ROBO2: variants seen among roughly 807,000 people sequenced by gnomAD.
ROBO2 encodes the protein roundabout guidance receptor 2.
ROBO2 carries 53 observed loss-of-function variants against 160.8 expected under a neutral mutation model. That is an observed-to-expected ratio of 0.33 (90% CI 0.26 to 0.41). The LOEUF (loss-of-function observed/expected upper bound fraction) is 0.41, where lower values mean the gene tolerates loss of function less well. ROBO2 is among the 10% of genes least tolerant of loss of function. The pLI, the probability that ROBO2 is intolerant of heterozygous loss-of-function variation, is 1.00. For synonymous variants in ROBO2, 664 were observed against 611.7 expected, an observed-to-expected ratio of 1.09 and a Z score of -1.26; for missense variants, 1,577 against 1,722.4, an observed-to-expected ratio of 0.92 and a Z score of 1.49.
chr3:77,605,655 T>A (rs967651358), intron 20 of ROBO2, among the ~76,000 whole-genome samples: 3 of 152,148 alleles, frequency 2.0e-5, no homozygotes, highest in Non-Finnish European at 4.4e-5. Context: ...TCAACAGAAT[T>A]CAGGGCTCTG....
intron 1 of ROBO2, among the ~76,000 whole-genome samples, chr3:77,062,670 A>G (rs529142449): frequency 6.6e-6 from 1 of 152,314 alleles, no homozygotes; most frequent in Non-Finnish European, 1.5e-5. Context: ...CTGGGCATCC[A>G]GTGGCCCATA....
In ROBO2 at chr3:76,335,027, TA is replaced by T. The variant is rs989521614; in HGVS notation, c.109+397434del. 1.2e-3 allele frequency among the ~76,000 whole-genome samples: 185 copies of T among 151,850 alleles called. 1 individual carries two copies. Among genetic ancestry groups the T allele is most frequent in the African/African-American group, 3.3e-3 (136 of 41,442 alleles). ...CTATTTTTTTTCTGTGACTTTGCTT[TA>T]AAAAAAAATTTTTTTTGTTTTTGTA... On this transcript the variant is annotated intron_variant, in intron 2 of 26. Transcript: ENST00000487694.
At chr3:77,229,864 T>C (rs182294625) in intron 2 of ROBO2, among the ~76,000 whole-genome samples, 1 of 152,280 alleles carries the variant, frequency 6.6e-6, no homozygotes, top group African/African-American at 2.4e-5. Context: ...CAATTTATTA[T>C]TGAGATTCCC....
At chr3:77,215,108 T>C (rs2084748949) in intron 2 of ROBO2, among the ~76,000 whole-genome samples, 1 of 152,228 alleles carries the variant, frequency 6.6e-6, no homozygotes, top group Non-Finnish European at 1.5e-5. Context: ...CTGTATTTCC[T>C]GAATTTGAAT....
intron 1 of ROBO2, among the ~76,000 whole-genome samples, chr3:77,087,697 C>G (rs2069510741): frequency 6.6e-6 from 1 of 151,654 alleles, no homozygotes; most frequent in Non-Finnish European, 1.5e-5. Context: ...TGTGTATATA[C>G]AGATATACAC....
chr3:76,834,729 T>G (rs1356554543), intron 2 of ROBO2, among the ~76,000 whole-genome samples: 5 of 152,152 alleles, frequency 3.3e-5, no homozygotes, highest in Admixed American at 1.3e-4. Context: ...CTCTAACCCC[T>G]GGCCTCAAAT....
chr3:76,612,747 C>A (rs2088233122), intron 2 of ROBO2, among the ~76,000 whole-genome samples: 1 of 152,138 alleles, frequency 6.6e-6, no homozygotes, highest in Admixed American at 6.5e-5. Flanking sequence ...CTTTACATAT[C>A]TACATGCTTC....
At chr3:76,902,364 T>C (rs2075300133) in intron 2 of ROBO2, among the ~76,000 whole-genome samples, 1 of 152,090 alleles carries the variant, frequency 6.6e-6, no homozygotes, top group Non-Finnish European at 1.5e-5. Flanking sequence ...TTATTAGTTG[T>C]TTTGATATCT....
At chr3:75,941,242 C>T (rs1036021119) in intron 2 of ROBO2, among the ~76,000 whole-genome samples, 4 of 152,084 alleles carry the variant, frequency 2.6e-5, no homozygotes, top group East Asian at 1.9e-4. Flanking sequence ...AGGCATGAGC[C>T]GTTGCATCTG....
intron 2 of ROBO2, among the ~76,000 whole-genome samples, chr3:76,593,968 G>A (rs1166136177): frequency 2.0e-5 from 3 of 151,952 alleles, no homozygotes; most frequent in African/African-American, 7.2e-5. Flanking sequence ...AGCATGGAAA[G>A]AGCTGGAATA....
intron 2 of ROBO2, among the ~76,000 whole-genome samples, chr3:76,267,109 C>T (rs1707145383): frequency 6.6e-6 from 1 of 152,144 alleles, no homozygotes; most frequent in South Asian, 2.1e-4. Flanking sequence ...CCCTGCTGTT[C>T]ATTCACAGCA....
chr3:76,967,510 TC>T (rs1305739843), intron 2 of ROBO2, among the ~76,000 whole-genome samples: 6 of 108,436 alleles, frequency 5.5e-5, no homozygotes, highest in East Asian at 2.9e-4. Flanking sequence ...CCTGGCCAGC[TC>T]TTTTTTTTTT....
chr3:76,415,354 G>A (rs536147671), intron 2 of ROBO2, among the ~76,000 whole-genome samples: 2 of 152,236 alleles, frequency 1.3e-5, no homozygotes, highest in African/African-American at 2.4e-5. Context: ...TGTCTGAAAG[G>A]CTCTGAAGAA....
At chr3:77,451,094 T>C (rs1245392055) in intron 2 of ROBO2, among the ~76,000 whole-genome samples, 1 of 152,132 alleles carries the variant, frequency 6.6e-6, no homozygotes, top group Non-Finnish European at 1.5e-5. Flanking sequence ...AGAATGGCCT[T>C]AATTCTCAAA....
At chr3:76,708,208 A>T (rs1170153893) in intron 2 of ROBO2, among the ~76,000 whole-genome samples, 1 of 152,148 alleles carries the variant, frequency 6.6e-6, no homozygotes, top group Non-Finnish European at 1.5e-5. Flanking sequence ...TAGCATAGGG[A>T]AATATGAAAA....
chr3:76,905,399 G>A (rs1287839195), intron 2 of ROBO2, among the ~76,000 whole-genome samples: 1 of 152,102 alleles, frequency 6.6e-6, no homozygotes, highest in Non-Finnish European at 1.5e-5. Context: ...GTTAAAGAAG[G>A]CTTATGATCT....
At chr3:76,978,298 T>C (rs1427978280) in intron 2 of ROBO2, among the ~76,000 whole-genome samples, 2 of 152,220 alleles carry the variant, frequency 1.3e-5, no homozygotes, top group Non-Finnish European at 2.9e-5. Flanking sequence ...GAGGTCACTT[T>C]ATGCATCGAT....
chr3:76,757,865 A>G (rs2061071686), intron 2 of ROBO2, among the ~76,000 whole-genome samples: 1 of 151,638 alleles, frequency 6.6e-6, no homozygotes, highest in Admixed American at 6.6e-5. Context: ...GGGAGTTTTC[A>G]TCTCTTTATC....
At chr3:75,914,521 A>T (rs77614323) in intron 1 of ROBO2, among the ~76,000 whole-genome samples, 1 of 152,192 alleles carries the variant, frequency 6.6e-6, no homozygotes, top group Non-Finnish European at 1.5e-5. Flanking sequence ...ACATTTAACA[A>T]TGTCGAAGAA....
Sources: gnomAD v4.1 joint callset for allele counts (sites outside exome capture counted in the v4.1 genomes callset) on GRCh38, gnomAD v4.1.1 for gene constraint, MANE v1.5 for transcripts, NCBI Gene and HGNC (gene_info 2026-07-23, HGNC 2026-07-21) for gene names.